Variants in NPIPB9 observed in about 807,000 individuals in gnomAD.
NPIPB9 encodes nuclear pore complex-interacting protein family member B9.
A neutral mutation model predicts 5.6 loss-of-function variants in NPIPB9; 1 was observed. That is an observed-to-expected ratio of 0.18 (90% confidence interval 0.06 to 0.84). NPIPB9 has a LOEUF of 0.84. NPIPB9 is among the 40% of genes least tolerant of loss of function. The pLI is 0.70. For synonymous variants in NPIPB9, 2 were observed against 12.5 expected (o/e 0.16, Z 1.77); for missense variants, 3 against 39.1 (o/e 0.08, Z 2.46).
chr16:28,765,353 C>T (rs1341708199), intron 3 of NPIPB9, among the ~76,000 whole-genome samples: 2 of 27,884 alleles, frequency 7.2e-5, no homozygotes, highest in Non-Finnish European at 1.2e-4. Context: ...TCACCCGCCT[C>T]AGCCTCCCAA....
chr16:28,755,146 AC>A (rs2048772673), intron 1 of NPIPB9, among the ~76,000 whole-genome samples: 1 of 127,872 alleles, frequency 7.8e-6, no homozygotes, highest in African/African-American at 2.7e-5. Context: ...TATTGCTCCC[AC>A]ACTGACAGTG....
chr16:28,765,721 TTGTGTGTGTGTGTGTG>T (rs761146509), intron 3 of NPIPB9, among the ~76,000 whole-genome samples: 7 of 38,034 alleles, frequency 1.8e-4, no homozygotes, highest in Admixed American at 3.0e-4. Flanking sequence ...CATGTCATTC[TTGTGTGTGTGTGTGTG>T]TGTGTGTGTG....
intron 2 of NPIPB9, among the ~76,000 whole-genome samples, chr16:28,760,314 A>ATTTTTT (rs1223557384): frequency 8.9e-5 from 2 of 22,494 alleles, no homozygotes; most frequent in African/African-American, 3.6e-4. Context: ...CACCTTGGTA[A>ATTTTTT]TTTTTTTTTT....
intron 5 of NPIPB9, among the ~76,000 whole-genome samples, chr16:28,767,490 G>A (rs1419755238): frequency 1.5e-4 from 4 of 26,752 alleles, no homozygotes; most frequent in East Asian, 1.6e-3. Flanking sequence ...GATTACAGGC[G>A]TGAGCCACCG....
In NPIPB9 at chr16:28,752,494, C is replaced by T. The variant is rs553008788; in HGVS notation, c.-74C>T. 3 of 1,439,330 alleles carry T rather than the reference C, an allele frequency of 2.1e-6. 1 individual carries two copies. The East Asian group carries it at 6.9e-5, about 33-fold the overall frequency. 89.2% of individuals were successfully genotyped at this position (1,439,330 alleles called of 1,614,324 possible). The stretch of plus-strand genomic sequence containing the variant: ...GCAAATGGTGAAGCTCTCTATTGTC[C>T]TGACCCCACAGTTCCTGTCGCATGA... On this transcript the variant is annotated 5_prime_UTR_variant, in exon 1 of 8. Transcript: ENST00000550983.
At chr16:28,752,388 C>G in exon 1 of NPIPB9, 5 of 1,284,424 alleles carry the variant, frequency 3.9e-6, no homozygotes, top group Non-Finnish European at 4.2e-6. Context: ...CAAACATCAC[C>G]TTGTTTTTCC....
Position 28,752,539 on chromosome 16 carries a change from G to A in NPIPB9, c.-29G>A, listed in dbSNP as rs750279492. 1.7e-5 allele frequency: 23 copies of A among 1,374,578 alleles called. 7 individuals are homozygous for A. The South Asian group carries it at 2.8e-4, about 17-fold the overall frequency. The allele number at this position is 1,374,578 out of a possible 1,614,324, so 85.1% of individuals were successfully genotyped here. A position where few individuals can be genotyped will look rare whatever the true frequency, so the allele number is the denominator to read the frequency against. On this transcript the variant is annotated 5_prime_UTR_variant, in exon 1 of 8. Coordinates refer to ENST00000550983, the Ensembl canonical transcript of NPIPB9. The stretch of plus-strand genomic sequence containing the variant: ...GCATGACCAGAGCCAGTTCACCAAG[G>A]AGCTGCAGCAGCATGTAAAGTCAGT...
chr16:28,769,794 C>T (rs1192680638), intron 5 of NPIPB9, among the ~76,000 whole-genome samples: 1 of 147,534 alleles, frequency 6.8e-6, no homozygotes, highest in African/African-American at 2.5e-5. Context: ...GACCCCATTG[C>T]CAGCTAGACT....
intron 1 of NPIPB9, among the ~76,000 whole-genome samples, chr16:28,756,424 C>T (rs1198723181): frequency 1.8e-5 from 2 of 111,526 alleles, no homozygotes; most frequent in African/African-American, 5.9e-5. Flanking sequence ...AGGCTGGTCT[C>T]GAACTTCTAA....
Sources: gnomAD v4.1 joint callset for allele counts (sites outside exome capture counted in the v4.1 genomes callset) on GRCh38, gnomAD v4.1.1 for gene constraint, MANE v1.5 for transcripts, NCBI Gene and HGNC (gene_info 2026-07-23, HGNC 2026-07-21) for gene names.